Variants in FCHO2 observed in about 807,000 individuals in gnomAD.
FCHO2 encodes the protein F-BAR domain only protein 2.
FCHO2 carries 43 observed loss-of-function variants against 114.1 expected under a neutral mutation model. That is an observed-to-expected ratio of 0.38 (90% CI 0.30 to 0.49). FCHO2 has a LOEUF of 0.49. Ranked by LOEUF, FCHO2 falls within the 20% of genes least tolerant of loss-of-function variation. The pLI, the probability that FCHO2 is intolerant of heterozygous loss-of-function variation, is 0.97. For missense variants in FCHO2, 807 were observed against 950.4 expected (o/e 0.85, Z 1.98); for synonymous variants, 293 against 315.2 (o/e 0.93, Z 0.75).
At chr5:72,968,727 CTATT>C (rs1752341062) in intron 2 of FCHO2, 138 bp downstream of exon 2, 1 of 608,830 alleles carries the variant, frequency 1.6e-6, no homozygotes, top group African/African-American at 2.0e-5. Context: ...TTATATCTAT[CTATT>C]TGTATCTATC....
At chr5:73,003,256 C>G (rs574143429) in intron 5 of FCHO2, among the ~76,000 whole-genome samples, 1 of 152,268 alleles carries the variant, frequency 6.6e-6, no homozygotes, top group Admixed American at 6.5e-5. Context: ...TCAAACTATT[C>G]TCTGCCTCTG....
At chr5:73,032,922 T>G (rs1756310354) in intron 8 of FCHO2, among the ~76,000 whole-genome samples, 1 of 152,184 alleles carries the variant, frequency 6.6e-6, no homozygotes, top group African/African-American at 2.4e-5. Context: ...TATAATAAGC[T>G]GTTGGTAATT....
intron 5 of FCHO2, among the ~76,000 whole-genome samples, chr5:73,001,563 C>T (rs188196333): frequency 4.1e-4 from 61 of 150,150 alleles, no homozygotes; most frequent in African/African-American, 1.4e-3. Flanking sequence ...TTTTTTTCTC[C>T]CTATCATCTT....
intron 5 of FCHO2, among the ~76,000 whole-genome samples, chr5:73,002,834 A>G (rs769786317): frequency 1.3e-5 from 2 of 152,344 alleles, no homozygotes; most frequent in Non-Finnish European, 2.9e-5. Context: ...GTACAGAACA[A>G]GAAGTTAGAG....
rs1756794483 is a variant in FCHO2 at position 73,041,305 on chromosome 5, C to T, written c.929C>T (p.Ala310Val). 1.4e-6 allele frequency: 2 copies of T among 1,479,952 alleles called. No homozygotes were observed. The highest frequency in any genetic ancestry group is 1.9e-6 in the Non-Finnish European group (2 of 1,065,478). 91.7% of individuals were successfully genotyped at this position (1,479,952 alleles called of 1,614,324 possible). A position where few individuals can be genotyped will look rare whatever the true frequency, so the allele number is the denominator to read the frequency against. Reference protein sequence around the residue: ...KDAESVECPDADSLNIPDVDE... With the variant: ...KDAESVECPDVDSLNIPDVDE... ...TGTTTTAATAGGGAATGTCCTGATG[C>T]AGATTCATTGGTAAGTAGATTTAAC... The change falls in exon 11 of 26, where the codon GCA becomes GTA. Residue 310 changes from alanine to valine, a missense_variant. By Grantham distance (64) the Ala-to-Val change is moderately conservative (BLOSUM62 0). Transcript: ENST00000430046.
chr5:73,003,545 A>G (rs1022406042), intron 5 of FCHO2, among the ~76,000 whole-genome samples: 10 of 152,094 alleles, frequency 6.6e-5, no homozygotes, highest in African/African-American at 2.4e-4. Context: ...TTCCAGTTTT[A>G]TGGGTCTCCT....
chr5:73,000,908 C>T (rs1754400057), intron 5 of FCHO2, among the ~76,000 whole-genome samples: 1 of 152,122 alleles, frequency 6.6e-6, no homozygotes, highest in African/African-American at 2.4e-5. Flanking sequence ...ACACCTGGCC[C>T]AACTTCCCTT....
At chr5:72,971,791 A>T (rs1171377053) in intron 2 of FCHO2, among the ~76,000 whole-genome samples, 1 of 152,206 alleles carries the variant, frequency 6.6e-6, no homozygotes, top group Non-Finnish European at 1.5e-5. Context: ...TATGTCCTGA[A>T]TAGTAATGCC....
chr5:73,052,198 CAGGCGTGAGCCG>C (rs1757370868), intron 12 of FCHO2, 122 bp from the exon 13 acceptor site: 1 of 804,380 alleles, frequency 1.2e-6, no homozygotes, highest in South Asian at 1.9e-5. Context: ...CCTGGGATTA[CAGGCGTGAGCCG>C]TCGCACCCGG....
At chr5:72,981,912 A>T (rs1753232990) in intron 2 of FCHO2, among the ~76,000 whole-genome samples, 1 of 151,828 alleles carries the variant, frequency 6.6e-6, no homozygotes, top group South Asian at 2.1e-4. Context: ...AGCTTAGGGG[A>T]GTTTGTTATT....
At chr5:73,075,963 A>G (rs1324407934) in intron 20 of FCHO2, among the ~76,000 whole-genome samples, 2 of 152,152 alleles carry the variant, frequency 1.3e-5, no homozygotes, top group East Asian at 1.9e-4. Flanking sequence ...ATAATACTCA[A>G]AATTAGTGGC....
intron 5 of FCHO2, among the ~76,000 whole-genome samples, chr5:73,001,715 A>G (rs1182468818): frequency 2.0e-5 from 3 of 151,828 alleles, no homozygotes; most frequent in Non-Finnish European, 4.4e-5. Flanking sequence ...TGGGAGGCCA[A>G]GGCAGGAGCC....
At chr5:73,031,113 C>CT (rs1561462878) in intron 8 of FCHO2, among the ~76,000 whole-genome samples, 1 of 152,140 alleles carries the variant, frequency 6.6e-6, no homozygotes, top group Non-Finnish European at 1.5e-5. Flanking sequence ...GTGTGATTCT[C>CT]TTTTTTGTGT....
intron 8 of FCHO2, among the ~76,000 whole-genome samples, chr5:73,033,836 A>G (rs964221518): frequency 6.6e-6 from 1 of 152,142 alleles, no homozygotes; most frequent in African/African-American, 2.4e-5. Context: ...GAAGTATGCC[A>G]TATTTTATGG....
chr5:73,080,052 C>A (rs1743041258), intron 22 of FCHO2, among the ~76,000 whole-genome samples: 1 of 152,022 alleles, frequency 6.6e-6, no homozygotes, highest in African/African-American at 2.4e-5. Context: ...TTTTGTTAAA[C>A]CTTTAAACAC....
At chr5:73,053,299 G>A (rs1185340837) in intron 13 of FCHO2, among the ~76,000 whole-genome samples, 1 of 152,266 alleles carries the variant, frequency 6.6e-6, no homozygotes, top group South Asian at 2.1e-4. Flanking sequence ...TTTAGTTTCA[G>A]AACTATTTTC....
At chr5:73,014,920 A>T (rs979867491) in intron 6 of FCHO2, among the ~76,000 whole-genome samples, 7 of 151,748 alleles carry the variant, frequency 4.6e-5, no homozygotes, top group Admixed American at 3.3e-4. Flanking sequence ...TACTAAAAAT[A>T]CAAAAAATTA....
intron 5 of FCHO2, among the ~76,000 whole-genome samples, chr5:72,998,492 A>C (rs1258959057): frequency 1.3e-5 from 2 of 151,918 alleles, no homozygotes; most frequent in Non-Finnish European, 2.9e-5. Flanking sequence ...GTCTCAAAAA[A>C]GAAAAAAAAA....
At chr5:72,997,651 G>C (rs1456219073) in intron 5 of FCHO2, 68 of 1,493,958 alleles carry the variant, frequency 4.6e-5, no homozygotes, top group Admixed American at 1.5e-4. Context: ...GGTGACAGCT[G>C]CTCCCCCTTC....
Sources: allele counts gnomAD v4.1 joint callset (sites outside exome capture counted in the v4.1 genomes callset), GRCh38; gene constraint gnomAD v4.1.1; transcripts MANE v1.5; gene names NCBI Gene and HGNC (gene_info 2026-07-23, HGNC 2026-07-21).